The following UPF2 variants were observed in gnomAD, a reference collection of about 807,000 sequenced individuals.
UPF2 encodes the protein UPF2 regulator of nonsense mediated mRNA decay.
A neutral mutation model predicts 141.4 loss-of-function variants in UPF2; 17 were observed. The ratio of observed to expected loss-of-function variants is 0.12; its 90% CI spans 0.08 to 0.18. UPF2 has a LOEUF of 0.18. Ranked by LOEUF, UPF2 falls within the 10% of genes least tolerant of loss-of-function variation. UPF2 has a pLI of 1.00. For synonymous variants in UPF2, 540 were observed against 498.0 expected, an observed-to-expected ratio of 1.08 and a Z score of -1.12; for missense variants, 1,152 against 1,515.9, an observed-to-expected ratio of 0.76 and a Z score of 3.99.
intron 2 of UPF2, among the ~76,000 whole-genome samples, chr10:12,030,537 C>T (rs1834500017): frequency 7.7e-6 from 1 of 130,590 alleles, no homozygotes; most frequent in African/African-American, 2.9e-5. Context: ...GAGACTCTGC[C>T]TCAAAAAATA....
At chr10:12,009,367 AT>A (rs1292866873) in intron 4 of UPF2, among the ~76,000 whole-genome samples, 9 of 152,360 alleles carry the variant, frequency 5.9e-5, no homozygotes, top group Admixed American at 3.3e-4. Context: ...GCAATTAAAA[AT>A]AATTAGATGG....
chr10:12,023,418 T>C (rs1834351082), intron 3 of UPF2, among the ~76,000 whole-genome samples: 1 of 150,498 alleles, frequency 6.6e-6, no homozygotes, highest in South Asian at 2.1e-4. Context: ...ATCACACCTG[T>C]AATCCTAGCA....
intron 2 of UPF2, among the ~76,000 whole-genome samples, chr10:12,031,181 AAAAAAAAAAC>A (rs1273976220): frequency 2.0e-5 from 3 of 151,436 alleles, no homozygotes; most frequent in Admixed American, 1.3e-4. Context: ...CTCAAAAAAA[AAAAAAAAAAC>A]AAAACAGTTT....
chr10:12,013,685 C>T (rs1834170271), intron 4 of UPF2, among the ~76,000 whole-genome samples: 1 of 152,110 alleles, frequency 6.6e-6, no homozygotes, highest in Non-Finnish European at 1.5e-5. Flanking sequence ...TTTTCTAGGT[C>T]CAGAGACTCT....
At chr10:11,962,773 G>A (rs1196940478) in intron 11 of UPF2, among the ~76,000 whole-genome samples, 4 of 152,114 alleles carry the variant, frequency 2.6e-5, no homozygotes, top group Non-Finnish European at 4.4e-5. Flanking sequence ...TTATAAGCTA[G>A]TGCGTGCCTA....
intron 3 of UPF2, among the ~76,000 whole-genome samples, chr10:12,018,714 T>C (rs1023091213): frequency 3.3e-5 from 5 of 152,158 alleles, no homozygotes; most frequent in Admixed American, 6.5e-5. Context: ...ACCGTGCCAC[T>C]GTGCTGCAGC....
chr10:12,024,326 G>T (rs1397514549), intron 3 of UPF2, among the ~76,000 whole-genome samples: 1 of 151,974 alleles, frequency 6.6e-6, no homozygotes, highest in African/African-American at 2.4e-5. Context: ...GTTTGGGATG[G>T]GGGGTGGGCA....
At chr10:11,929,040 C>T (rs998160111) in intron 21 of UPF2, among the ~76,000 whole-genome samples, 1 of 151,808 alleles carries the variant, frequency 6.6e-6, no homozygotes, top group African/African-American at 2.4e-5. Context: ...CCCAGCTACT[C>T]GGGAGGTTGA....
At chr10:11,995,600 G>C (rs192704351) in intron 8 of UPF2, among the ~76,000 whole-genome samples, 53 of 152,106 alleles carry the variant, frequency 3.5e-4, no homozygotes, top group African/African-American at 1.2e-3. Context: ...CTGGCCAACA[G>C]GGTGAAACCC....
Position 11,969,383 on chromosome 10 carries a change from C to T in UPF2, c.1954-1929G>A, listed in dbSNP as rs1833377365. Among the ~76,000 whole-genome samples, 2 of 152,030 alleles carry T rather than the reference C, an allele frequency of 1.3e-5. 1 individual carries two copies. Among genetic ancestry groups the T allele is most frequent in the South Asian group, 4.1e-4 (2 of 4,820 alleles). ...ACGGGGTTTCACTATGTTGGTCAGG[C>T]TGGTCTCGAACTCCTGACCTCGTGA... is the stretch of plus-strand genomic sequence containing the variant. On this transcript the variant is annotated intron_variant, in intron 9 of 21. Coordinates refer to ENST00000357604, the MANE Select transcript of UPF2 (RefSeq NM_015542.4).
chr10:11,985,884 C>CTTTTTTTTTTTTTTTTTTTT (rs746117868), intron 8 of UPF2, among the ~76,000 whole-genome samples: 4 of 100,752 alleles, frequency 4.0e-5, no homozygotes, highest in Non-Finnish European at 5.4e-5. Flanking sequence ...TAGATCCTTC[C>CTTTTTTTTTTTTTTTTTTTT]TTTTTTTTTT....
intron 9 of UPF2, among the ~76,000 whole-genome samples, chr10:11,976,203 T>C (rs1833504633): frequency 6.6e-6 from 1 of 152,254 alleles, no homozygotes; most frequent in African/African-American, 2.4e-5. Flanking sequence ...ACCTGCTTTA[T>C]TTCTCAGCTG....
At position 12,012,756 on chromosome 10, in the gene UPF2, A is replaced by G. The variant is rs531662681; in HGVS notation, c.1306+1268T>C. Among the ~76,000 whole-genome samples, 249 of 151,020 alleles carry G rather than the reference A, an allele frequency of 1.6e-3. 1 individual carries two copies. Among genetic ancestry groups the G allele is most frequent in the African/African-American group, 5.6e-3 (230 of 41,050 alleles). On this transcript the variant is annotated intron_variant, in intron 4 of 21. Transcript: ENST00000357604. ...GGAGCTTGCAGTGAGCAGAGACCGC[A>G]CCACTGCATTCCAGCCTGGGCAACA...
At chr10:12,012,991 G>A (rs1228391521) in intron 4 of UPF2, among the ~76,000 whole-genome samples, 2 of 151,448 alleles carry the variant, frequency 1.3e-5, no homozygotes, top group East Asian at 4.0e-4. Flanking sequence ...CAGACATGGT[G>A]GTGCACACCT....
At chr10:11,989,872 G>A (rs1281125448) in intron 8 of UPF2, among the ~76,000 whole-genome samples, 4 of 152,114 alleles carry the variant, frequency 2.6e-5, no homozygotes, top group African/African-American at 9.7e-5. Flanking sequence ...TCCTGAAAGG[G>A]TAGTCTAGGG....
chr10:11,996,379 G>A (rs7910427), intron 8 of UPF2, among the ~76,000 whole-genome samples: 8,268 of 148,494 alleles, frequency 0.056, 290 homozygotes, highest in Non-Finnish European at 0.08. Context: ...ATGGAATCTC[G>A]CTCTGTTGCC....
At chr10:11,968,040 G>A (rs576371102) in intron 9 of UPF2, among the ~76,000 whole-genome samples, 12 of 152,226 alleles carry the variant, frequency 7.9e-5, no homozygotes, top group South Asian at 6.2e-4. Context: ...TTAGCCAGGC[G>A]TAGTGGCAGG....
intron 3 of UPF2, among the ~76,000 whole-genome samples, chr10:12,020,894 A>G (rs1834306337): frequency 6.6e-6 from 1 of 152,194 alleles, no homozygotes; most frequent in Non-Finnish European, 1.5e-5. Context: ...TCCACTTTGT[A>G]TGTTACAGTG....
chr10:12,020,245 A>T (rs922816520), intron 3 of UPF2, among the ~76,000 whole-genome samples: 26 of 151,070 alleles, frequency 1.7e-4, no homozygotes, highest in Admixed American at 3.3e-4. Flanking sequence ...TAAAAAATAA[A>T]TTTTATTTTT....
Sources: gnomAD v4.1 joint callset for allele counts (sites outside exome capture counted in the v4.1 genomes callset) on GRCh38, gnomAD v4.1.1 for gene constraint, MANE v1.5 for transcripts, NCBI Gene and HGNC (gene_info 2026-07-23, HGNC 2026-07-21) for gene names.